ADGRD1: variants seen among roughly 807,000 people sequenced by gnomAD.
ADGRD1 encodes the protein adhesion G protein-coupled receptor D1, also known as G-protein coupled receptor 133.
In ADGRD1, 77 loss-of-function variants were observed where a neutral mutation model predicts 113.4. That is an observed-to-expected ratio of 0.68 (90% CI 0.57 to 0.82). The LOEUF is 0.82. Ranked by LOEUF, ADGRD1 falls within the 40% of genes least tolerant of loss-of-function variation. The probability of loss-of-function intolerance (pLI) is 0.00; values close to 1 mark genes in which losing one functional copy is unlikely to be tolerated. For synonymous variants in ADGRD1, 474 were observed against 475.0 expected, an observed-to-expected ratio of 1.00 and a Z score of 0.03; for missense variants, 1,036 against 1,139.1, an observed-to-expected ratio of 0.91 and a Z score of 1.30.
chr12:131,089,919 A>G (rs1886791646), intron 15 of ADGRD1, among the ~76,000 whole-genome samples: 1 of 152,236 alleles, frequency 6.6e-6, no homozygotes, highest in African/African-American at 2.4e-5. Flanking sequence ...TGGATCCTCT[A>G]TAGGCTGAGA....
At chr12:131,004,392 G>GCTGCGGTTCTCCCCCGGGCCGC in intron 11 of ADGRD1, 96 bp downstream of exon 11, 2 of 790,718 alleles carry the variant, frequency 2.5e-6, no homozygotes, top group Non-Finnish European at 4.2e-6. Context: ...GCGCCAGGGA[G>GCTGCGGTTCTCCCCCGGGCCGC]CTGCGGTGCT....
intron 2 of ADGRD1, among the ~76,000 whole-genome samples, chr12:130,959,518 C>T (rs1354418182): frequency 1.3e-5 from 2 of 152,170 alleles, no homozygotes; most frequent in Admixed American, 6.5e-5. Context: ...CTGCAGTGAA[C>T]CGTGATCACA....
chr12:130,992,153 G>T, intron 7 of ADGRD1, 84 bp from the exon 8 acceptor site: 2 of 968,906 alleles, frequency 2.1e-6, no homozygotes, highest in South Asian at 1.9e-5. Context: ...AAAAGCATTC[G>T]ACCCAGAGTA....
intron 18 of ADGRD1, 31 bp from the exon 19 acceptor site, chr12:131,118,354 A>G (rs767593536): frequency 6.4e-7 from 1 of 1,559,812 alleles, no homozygotes; most frequent in Non-Finnish European, 8.8e-7. Context: ...AACTGGAGCA[A>G]GTGAACATGA....
intron 21 of ADGRD1, among the ~76,000 whole-genome samples, chr12:131,134,134 C>G (rs921939726): frequency 2.0e-5 from 3 of 152,222 alleles, no homozygotes; most frequent in African/African-American, 4.8e-5. Context: ...AAGTGGGACC[C>G]TGGGGGCGGG....
rs1480786186 is a variant in ADGRD1 at position 130,966,727 on chromosome 12, T to C, written c.187+181T>C. 8.3e-6 allele frequency: 5 copies of C among 599,820 alleles called. No individual in the cohort carries two copies. Among genetic ancestry groups the C allele is most frequent in the Non-Finnish European group, 9.0e-6 (3 of 334,786 alleles). 37.2% of individuals were successfully genotyped at this position (599,820 alleles called of 1,614,324 possible). On this transcript the variant is annotated intron_variant, in intron 3 of 24. Transcript: ENST00000261654. The surrounding 1 kb of genome is among the most constrained non-coding windows in gnomAD (Gnocchi z 4.6). ...GGGAGCAGATGTGGACACAATCTGC[T>C]TTGAAGCCACGGTGATAGAGATGAA...
chr12:131,044,444 G>A lies in ADGRD1; in HGVS notation c.1473+30104G>A, dbSNP rs183823681. On this transcript the variant is annotated intron_variant, in intron 13 of 24. Transcript: ENST00000261654. ...GGGGCTGAGGGGACCGGTCCTGGGT[G>A]GGGTCACAAGAGACTCGCAGCTCCT... Among the ~76,000 whole-genome samples the A allele has an allele frequency of 9.1e-4, 139 of 152,330 alleles. No homozygotes were observed. In the East Asian group the frequency reaches 0.019, roughly 21 times the overall value.
At chr12:131,030,898 A>C (rs1275362847) in intron 13 of ADGRD1, 1 of 152,204 alleles carries the variant, frequency 6.6e-6, no homozygotes, top group Non-Finnish European at 1.5e-5. Flanking sequence ...CCGCATCTGC[A>C]GCCTGTTGTT....
At chr12:131,043,419 A>T (rs1483374628) in intron 13 of ADGRD1, among the ~76,000 whole-genome samples, 1 of 152,150 alleles carries the variant, frequency 6.6e-6, no homozygotes, top group African/African-American at 2.4e-5. Context: ...TTGGGTGCAT[A>T]CCAGCTCTGG....
rs1413645359 is a variant in ADGRD1, at chr12:130,965,441, C to G, written c.104-1022C>G. Among the ~76,000 whole-genome samples, 1 of 152,128 alleles carries G rather than the reference C, an allele frequency of 6.6e-6. No individual in the cohort carries two copies. Among genetic ancestry groups the G allele is most frequent in the Non-Finnish European group, 1.5e-5 (1 of 68,022 alleles). ...CTATTAGTCTGTCCTTTTCTATGAT[C>G]TAGCAGTCGCTTGGGGCAGTTGATT... On this transcript the variant is annotated intron_variant, in intron 2 of 24. Coordinates refer to ENST00000261654, the MANE Select transcript of ADGRD1 (RefSeq NM_198827.5). This position sits in a 1 kb window ranked among gnomAD's most constrained non-coding sequence, Gnocchi z 4.8.
rs920228359 is a variant in ADGRD1 at position 130,971,651 on chromosome 12, C to T, written c.310+71C>T. On this transcript the variant is annotated intron_variant, in intron 4 of 24. Transcript: ENST00000261654. This position sits in a 1 kb window ranked among gnomAD's most constrained non-coding sequence, Gnocchi z 4.2. ...CAGGGAGCACCTGCTCCTCTGGTGACTGGAAGATGTGAACCTGAGGTTCTC... is the reference window on the plus strand; with the variant it reads ...CAGGGAGCACCTGCTCCTCTGGTGATTGGAAGATGTGAACCTGAGGTTCTC... 1 of 1,489,582 alleles carries T rather than the reference C, an allele frequency of 6.7e-7. No homozygotes were observed. The highest frequency in any genetic ancestry group is 1.3e-5 in the South Asian group (1 of 76,820). The allele number at this position is 1,489,582 out of a possible 1,614,324, so 92.3% of individuals were successfully genotyped here.
chr12:131,101,418 G>C (rs1395508452), intron 15 of ADGRD1, among the ~76,000 whole-genome samples: 1 of 100,208 alleles, frequency 1.0e-5, no homozygotes, highest in Non-Finnish European at 1.8e-5. Context: ...ATGGAGTCTG[G>C]CTCTGTCGCC....
At chr12:131,139,114 T>C (rs1023608592) in intron 24 of ADGRD1, 54 bp from the exon 25 acceptor site, 2 of 1,413,414 alleles carry the variant, frequency 1.4e-6, no homozygotes, top group African/African-American at 2.8e-5. Flanking sequence ...ACTGGGCTTA[T>C]GGCTCTCCCC....
chr12:131,124,033 A>G (rs1037209793), intron 20 of ADGRD1, among the ~76,000 whole-genome samples: 1 of 152,256 alleles, frequency 6.6e-6, no homozygotes, highest in Non-Finnish European at 1.5e-5. Flanking sequence ...CAAAAATACT[A>G]ACTGGCTCTT....
At chr12:131,044,862 G>A (rs1394466516) in intron 13 of ADGRD1, among the ~76,000 whole-genome samples, 2 of 152,242 alleles carry the variant, frequency 1.3e-5, no homozygotes, top group Non-Finnish European at 2.9e-5. Flanking sequence ...ACCGAAACCC[G>A]AAGAGCACGC....
intron 12 of ADGRD1, among the ~76,000 whole-genome samples, chr12:131,012,131 C>A (rs1032709920): frequency 6.6e-6 from 1 of 152,030 alleles, no homozygotes; most frequent in Non-Finnish European, 1.5e-5. Flanking sequence ...TGTTTATGTA[C>A]GTTCTGTACG....
intron 4 of ADGRD1, among the ~76,000 whole-genome samples, chr12:130,974,967 T>A (rs1291697039): frequency 2.0e-5 from 3 of 152,120 alleles, no homozygotes; most frequent in Admixed American, 6.6e-5. Context: ...TTGCTGCTAA[T>A]GGGGCAAGCT....
chr12:131,134,338 A>AC (rs946208058), intron 21 of ADGRD1, among the ~76,000 whole-genome samples: 3 of 152,206 alleles, frequency 2.0e-5, no homozygotes, highest in Non-Finnish European at 2.9e-5. Flanking sequence ...TCTGCTTTTG[A>AC]CCAGGGACAC....
intron 4 of ADGRD1, among the ~76,000 whole-genome samples, chr12:130,979,741 C>T (rs899972958): frequency 6.6e-6 from 1 of 151,632 alleles, no homozygotes; most frequent in Non-Finnish European, 1.5e-5. Flanking sequence ...TGTGCCTGGG[C>T]CAGGCTTGGC....
Sources: allele counts gnomAD v4.1 joint callset (sites outside exome capture counted in the v4.1 genomes callset), GRCh38; gene constraint gnomAD v4.1.1; non-coding constraint Gnocchi (gnomAD v3.1); transcripts MANE v1.5; gene names NCBI Gene and HGNC (gene_info 2026-07-23, HGNC 2026-07-21).